Variants in CLIP2 observed in about 807,000 individuals in gnomAD.
The protein encoded by CLIP2 is CAP-Gly domain-containing linker protein 2.
A neutral mutation model predicts 111.7 loss-of-function variants in CLIP2; 41 were observed. The ratio of observed to expected loss-of-function variants is 0.37; its 90% CI spans 0.29 to 0.48. CLIP2 has a LOEUF of 0.48. Ranked by LOEUF, CLIP2 falls within the 20% of genes least tolerant of loss-of-function variation. The pLI is 0.99. For missense variants in CLIP2, 1,160 were observed against 1,422.1 expected (o/e 0.82, Z 2.96); for synonymous variants, 660 against 644.2 (o/e 1.02, Z -0.37).
intron 1 of CLIP2, among the ~76,000 whole-genome samples, chr7:74,317,142 C>G (rs1287422245): frequency 1.3e-5 from 2 of 152,150 alleles, no homozygotes; most frequent in Non-Finnish European, 2.9e-5. Flanking sequence ...AATAAAGACA[C>G]AAAGCTTTAA....
At chr7:74,340,462 A>G (rs1554305173) in intron 3 of CLIP2, among the ~76,000 whole-genome samples, 1 of 152,160 alleles carries the variant, frequency 6.6e-6, no homozygotes, top group African/African-American at 2.4e-5. Flanking sequence ...AGGTGCAGAC[A>G]CCTTATCAGC....
At chr7:74,375,208 C>T (rs201915949) in intron 9 of CLIP2, among the ~76,000 whole-genome samples, 1 of 151,454 alleles carries the variant, frequency 6.6e-6, no homozygotes, top group South Asian at 2.1e-4. Context: ...TATTATTGCA[C>T]GGCTGCACTC....
At chr7:74,341,256 C>T (rs938276916) in intron 3 of CLIP2, among the ~76,000 whole-genome samples, 2 of 152,084 alleles carry the variant, frequency 1.3e-5, no homozygotes, top group African/African-American at 4.8e-5. Flanking sequence ...GGTGCGTTCT[C>T]GGCTCACTGC....
Position 74,338,552 on chromosome 7 carries a change from C to T in CLIP2, c.226C>T (p.Leu76=), listed in dbSNP as rs2116559650. The T allele has an allele frequency of 1.3e-6, 2 of 1,594,668 alleles. No homozygotes were observed. The highest frequency in any genetic ancestry group is 1.7e-6 in the Non-Finnish European group (2 of 1,171,718). The change falls in exon 3 of 17, where the codon CTG becomes TTG. Residue 76 remains leucine, a synonymous_variant. Transcript: ENST00000223398. The surrounding 1 kb of genome is among the most constrained non-coding windows in gnomAD (Gnocchi z 4.3). ...GGCGGCGGAAGTGGGGGATGACTTCCTGGGGGACTTTGTGGTGGGCGAGCG... is the reference window on the plus strand; with the variant it reads ...GGCGGCGGAAGTGGGGGATGACTTCTTGGGGGACTTTGTGGTGGGCGAGCG... ...PKAAEVGDDF[L]GDFVVGERVW...
intron 11 of CLIP2, among the ~76,000 whole-genome samples, chr7:74,384,087 G>T (rs1791015450): frequency 6.6e-6 from 1 of 152,168 alleles, no homozygotes. Flanking sequence ...TACGCAGGAA[G>T]ATGAGGCAGA....
chr7:74,391,401 G>A (rs1326127015), intron 13 of CLIP2, among the ~76,000 whole-genome samples: 1 of 152,162 alleles, frequency 6.6e-6, no homozygotes, highest in African/African-American at 2.4e-5. Context: ...CCCTTGAAAA[G>A]GTTTTAAGGG....
intron 2 of CLIP2, among the ~76,000 whole-genome samples, chr7:74,330,822 T>A (rs1454289119): frequency 6.6e-6 from 1 of 152,138 alleles, no homozygotes; most frequent in Non-Finnish European, 1.5e-5. Flanking sequence ...AAGGTCAAAA[T>A]AGTGAGTCAG....
intron 2 of CLIP2, among the ~76,000 whole-genome samples, chr7:74,329,037 C>G (rs1345093913): frequency 6.6e-6 from 1 of 150,774 alleles, no homozygotes; most frequent in East Asian, 1.9e-4. Context: ...CTCAGCCTCC[C>G]AAGTAACCGT....
chr7:74,332,143 G>A (rs1337663938), intron 2 of CLIP2, among the ~76,000 whole-genome samples: 1 of 151,836 alleles, frequency 6.6e-6, no homozygotes, highest in African/African-American at 2.4e-5. Context: ...ATGCGATCTC[G>A]GCTCACTGCA....
In CLIP2 at chr7:74,403,882, C is replaced by T. The variant is rs781924032; in HGVS notation, c.*34C>T. 10 of 1,612,106 alleles carry T rather than the reference C, an allele frequency of 6.2e-6. No individual in the cohort carries two copies. The South Asian group carries it at 8.8e-5, about 14-fold the overall frequency. On this transcript the variant is annotated 3_prime_UTR_variant, in exon 17 of 17. Coordinates refer to ENST00000223398, the MANE Select transcript of CLIP2 (RefSeq NM_003388.5). ...GGATACTGTGGAGCAGCCCAGTCCA[C>T]ACCAGAGCCCCACGCGGCTGCCCGG...
chr7:74,375,996 C>A lies in CLIP2; in HGVS notation c.1595C>A (p.Pro532Gln). 1 of 1,611,782 alleles carries A rather than the reference C, an allele frequency of 6.2e-7. No homozygotes were observed. Among genetic ancestry groups the A allele is most frequent in the Non-Finnish European group, 8.5e-7 (1 of 1,179,514 alleles). The change falls in exon 10 of 17, where the codon CCA (proline) becomes CAA (glutamine). Residue 532 changes from proline to glutamine, a missense_variant. Transcript: ENST00000223398. The part of the protein sequence containing the change: ...LQQCLLHSGP[P>Q]PPDHPDAAEI... ...CAGTGCCTGTTGCACTCGGGTCCCC[C>A]ACCTCCGGACCACCCAGACGCCGCC...
At chr7:74,324,818 GAAAAAAAAAAA>G (rs11318033) in intron 2 of CLIP2, among the ~76,000 whole-genome samples, 3 of 95,216 alleles carry the variant, frequency 3.2e-5, no homozygotes, top group African/African-American at 8.5e-5. Flanking sequence ...AAGATCTTGA[GAAAAAAAAAAA>G]AAAAAAAAAG....
Position 74,337,688 on chromosome 7 carries a change from C to T in CLIP2, c.122-760C>T, listed in dbSNP as rs1000646551. Reference sequence around the variant, plus strand: ...TCAACTCACTGCAATCTCCACCTCTCGAGTTCAAGTGATCCTCCCACCTTA... The same window carrying T: ...TCAACTCACTGCAATCTCCACCTCTTGAGTTCAAGTGATCCTCCCACCTTA... On this transcript the variant is annotated intron_variant, in intron 2 of 16. Coordinates refer to ENST00000223398, the MANE Select transcript of CLIP2 (RefSeq NM_003388.5). 2.0e-5 allele frequency among the ~76,000 whole-genome samples: 3 copies of T among 151,904 alleles called. 1 individual carries two copies. Among genetic ancestry groups the T allele is most frequent in the Non-Finnish European group, 4.4e-5 (3 of 67,972 alleles).
intron 2 of CLIP2, among the ~76,000 whole-genome samples, chr7:74,336,301 C>G (rs1789455787): frequency 6.6e-6 from 1 of 151,922 alleles, no homozygotes; most frequent in Non-Finnish European, 1.5e-5. Flanking sequence ...CTCCTGACCT[C>G]AAGTGATCCG....
intron 2 of CLIP2, among the ~76,000 whole-genome samples, chr7:74,336,252 G>C (rs2116552196): frequency 6.6e-6 from 1 of 151,938 alleles, no homozygotes; most frequent in East Asian, 1.9e-4. Context: ...ATTTTCAGTA[G>C]AGATGGGGTT....
In CLIP2 at chr7:74,405,702, C is replaced by CG. The variant is rs1791756400; in HGVS notation, c.*1857dup. 6.6e-6 allele frequency: 1 copy of CG among 152,630 alleles called. No individual in the cohort carries two copies. The highest frequency in any genetic ancestry group is 2.4e-5 in the African/African-American group (1 of 41,452). The allele number at this position is 152,630 out of a possible 1,614,324, so 9.5% of individuals were successfully genotyped here. Reference sequence around the variant, plus strand: ...GCCAGAGGTCCATCTAGCAGGGTGCCGGGAGGAGCTGAGCCCCCGGAGGTG... The same window carrying CG: ...GCCAGAGGTCCATCTAGCAGGGTGCCGGGGAGGAGCTGAGCCCCCGGAGGTG... On this transcript the variant is annotated 3_prime_UTR_variant, in exon 17 of 17. Transcript: ENST00000223398.
Position 74,364,246 on chromosome 7 carries a change from C to G in CLIP2, c.1320-9C>G. 6.2e-7 allele frequency: 1 copy of G among 1,612,216 alleles called. No homozygotes were observed. The highest frequency in any genetic ancestry group is 8.5e-7 in the Non-Finnish European group (1 of 1,179,192). On this transcript the variant is annotated splice_polypyrimidine_tract_variant and intron_variant, in intron 7 of 16. Coordinates refer to ENST00000223398, the MANE Select transcript of CLIP2 (RefSeq NM_003388.5). ...AGCCAGGTCAGCCACCTCTTTCCCT[C>G]CCCTGCAGGAAGGTGGAGGATCTGC...
intron 2 of CLIP2, among the ~76,000 whole-genome samples, chr7:74,325,897 G>A (rs1277269209): frequency 6.6e-6 from 1 of 151,884 alleles, no homozygotes; most frequent in Non-Finnish European, 1.5e-5. Flanking sequence ...GGACTGATGG[G>A]ACTGATGAGC....
At chr7:74,322,743 T>G (rs1404118968) in intron 2 of CLIP2, among the ~76,000 whole-genome samples, 1 of 152,090 alleles carries the variant, frequency 6.6e-6, no homozygotes, top group Non-Finnish European at 1.5e-5. Flanking sequence ...TTGTTGTTTG[T>G]TTTTTTGAGA....
Sources: gnomAD v4.1 joint callset for allele counts (sites outside exome capture counted in the v4.1 genomes callset) on GRCh38, gnomAD v4.1.1 for gene constraint, Gnocchi (gnomAD v3.1) non-coding constraint, MANE v1.5 for transcripts, NCBI Gene and HGNC (gene_info 2026-07-23, HGNC 2026-07-21) for gene names.